The following NEK7 variants were observed in gnomAD, a reference collection of about 807,000 sequenced individuals.
NEK7 encodes serine/threonine-protein kinase Nek7.
A neutral mutation model predicts 44.6 loss-of-function variants in NEK7; 18 were observed. The observed-to-expected ratio is 0.40, with a 90% CI of 0.28 to 0.60. The LOEUF is 0.60. Ranked by LOEUF, NEK7 falls within the 20% of genes least tolerant of loss-of-function variation. The probability of loss-of-function intolerance (pLI) is 0.38; values close to 1 mark genes in which losing one functional copy is unlikely to be tolerated. For synonymous variants in NEK7, 130 were observed against 121.1 expected (o/e 1.07, Z -0.48); for missense variants, 256 against 366.5 (o/e 0.70, Z 2.46).
intron 7 of NEK7, among the ~76,000 whole-genome samples, chr1:198,285,816 G>A (rs1268118447): frequency 1.3e-5 from 2 of 151,944 alleles, no homozygotes; most frequent in Non-Finnish European, 2.9e-5. Context: ...TAAAAATACT[G>A]CTTGTATCCT....
intron 7 of NEK7, among the ~76,000 whole-genome samples, chr1:198,282,631 A>G (rs1260753225): frequency 6.6e-6 from 1 of 152,146 alleles, no homozygotes; most frequent in Non-Finnish European, 1.5e-5. Flanking sequence ...AAATAATATA[A>G]TGAATGCAAG....
At chr1:198,239,470 A>G (rs1214736101) in intron 2 of NEK7, among the ~76,000 whole-genome samples, 1 of 152,186 alleles carries the variant, frequency 6.6e-6, no homozygotes, top group Non-Finnish European at 1.5e-5. Context: ...ATTACAATAT[A>G]TATTGCCTAT....
At chr1:198,305,974 A>G (rs745700592) in intron 9 of NEK7, among the ~76,000 whole-genome samples, 4 of 152,142 alleles carry the variant, frequency 2.6e-5, no homozygotes, top group Admixed American at 6.5e-5. Context: ...TTTCCCGGGC[A>G]GTATAATATA....
intron 2 of NEK7, among the ~76,000 whole-genome samples, chr1:198,242,240 T>G (rs1367610800): frequency 1.3e-5 from 2 of 152,104 alleles, no homozygotes; most frequent in African/African-American, 4.8e-5. Context: ...CTCATCCTCC[T>G]TCCCAGTTCT....
chr1:198,317,893 T>A (rs1272143535), intron 9 of NEK7, among the ~76,000 whole-genome samples: 5 of 147,146 alleles, frequency 3.4e-5, no homozygotes, highest in Non-Finnish European at 7.5e-5. Context: ...TTTTTTTTTT[T>A]TTTTTTTGGT....
At chr1:198,167,523 G>GATGT (rs1344891910) in intron 1 of NEK7, among the ~76,000 whole-genome samples, 1 of 152,160 alleles carries the variant, frequency 6.6e-6, no homozygotes, top group Non-Finnish European at 1.5e-5. Flanking sequence ...CTAAGTGTTA[G>GATGT]TTTTAGTTCC....
At chr1:198,171,221 CTTCT>C (rs1431792396) in intron 1 of NEK7, among the ~76,000 whole-genome samples, 7 of 152,020 alleles carry the variant, frequency 4.6e-5, no homozygotes, top group Non-Finnish European at 8.8e-5. Flanking sequence ...TCTGTAATGT[CTTCT>C]TTCTTTTTTT....
intron 5 of NEK7, among the ~76,000 whole-genome samples, chr1:198,274,236 C>T (rs1158030656): frequency 6.7e-6 from 1 of 148,390 alleles, no homozygotes; most frequent in Non-Finnish European, 1.5e-5. Context: ...ACACCTTGCA[C>T]ACCAGGATTG....
intron 1 of NEK7, chr1:198,197,878 C>G (rs1406425707): frequency 5.8e-6 from 6 of 1,028,642 alleles, no homozygotes; most frequent in East Asian, 2.4e-5. Flanking sequence ...TCTGCATCTT[C>G]TTGTCCTCTA....
chr1:198,174,944 A>T (rs918384424), intron 1 of NEK7, among the ~76,000 whole-genome samples: 2 of 151,986 alleles, frequency 1.3e-5, no homozygotes, highest in Admixed American at 6.6e-5. Context: ...TTTTGTACAG[A>T]TGGGGGTCTC....
rs75159753 is a variant in NEK7, at chr1:198,304,210, G to A, written c.798+6970G>A. Among the ~76,000 whole-genome samples, 130 of 152,252 alleles carry A rather than the reference G, an allele frequency of 8.5e-4. 2 individuals are homozygous for A. The highest frequency in any genetic ancestry group is 3.1e-3 in the African/African-American group (127 of 41,558). On this transcript the variant is annotated intron_variant, in intron 9 of 9. Coordinates refer to ENST00000367385, the MANE Select transcript of NEK7 (RefSeq NM_133494.3). ...ATCCTACAAAATCATGTAACTTTCTGTAAGACTTTCACAGTTTTCAAAAGA... is the reference window on the plus strand; with the variant it reads ...ATCCTACAAAATCATGTAACTTTCTATAAGACTTTCACAGTTTTCAAAAGA...
rs1240320303 is a variant in NEK7 at position 198,307,304 on chromosome 1, A to G, written c.798+10064A>G. ...TGTACTAAGCAGTGTCTTCAACATC[A>G]ATTTTACAGCAAATACCTAAGTGAT... is the stretch of plus-strand genomic sequence containing the variant. On this transcript the variant is annotated intron_variant, in intron 9 of 9. Coordinates refer to ENST00000367385, the MANE Select transcript of NEK7 (RefSeq NM_133494.3). Among the ~76,000 whole-genome samples the G allele has an allele frequency of 2.0e-5, 3 of 152,242 alleles. No homozygotes were observed. The East Asian group carries it at 5.8e-4, about 29-fold the overall frequency.
At chr1:198,188,813 G>A (rs141139246) in intron 1 of NEK7, among the ~76,000 whole-genome samples, 5 of 152,038 alleles carry the variant, frequency 3.3e-5, no homozygotes, top group African/African-American at 4.8e-5. Flanking sequence ...TTTATGTCGC[G>A]AAGTCATCCT....
intron 9 of NEK7, among the ~76,000 whole-genome samples, chr1:198,300,851 A>G (rs1341819702): frequency 6.6e-6 from 1 of 152,242 alleles, no homozygotes; most frequent in African/African-American, 2.4e-5. Context: ...AAAATTACTC[A>G]CAAGATAGGC....
At chr1:198,201,724 G>A (rs948486566) in intron 1 of NEK7, among the ~76,000 whole-genome samples, 1 of 150,740 alleles carries the variant, frequency 6.6e-6, no homozygotes, top group Non-Finnish European at 1.5e-5. Flanking sequence ...TTCTCTTTCC[G>A]GAGCCTCACC....
intron 7 of NEK7, among the ~76,000 whole-genome samples, chr1:198,283,156 G>A (rs1045087851): frequency 6.6e-6 from 1 of 152,148 alleles, no homozygotes; most frequent in African/African-American, 2.4e-5. Context: ...GACAGGGCTG[G>A]ATGTAGGAGC....
intron 1 of NEK7, among the ~76,000 whole-genome samples, chr1:198,177,452 T>C (rs1664636260): frequency 6.6e-6 from 1 of 152,136 alleles, no homozygotes; most frequent in East Asian, 1.9e-4. Context: ...TTACTTTTTT[T>C]ATTTTCAACG....
In NEK7 at chr1:198,202,455, C is replaced by G. The variant is rs942893893; in HGVS notation, c.-28-30098C>G. ...TGTAGCACCTCTAATGCTGTATGCA[C>G]AGCCTCTCAGGCAGGTGGTGTTCCA... On this transcript the variant is annotated intron_variant, in intron 1 of 9. Coordinates refer to ENST00000367385, the MANE Select transcript of NEK7 (RefSeq NM_133494.3). Among the ~76,000 whole-genome samples the G allele has an allele frequency of 2.0e-5, 3 of 152,202 alleles. No homozygotes were observed. The East Asian group carries it at 5.8e-4, about 29-fold the overall frequency.
At position 198,204,636 on chromosome 1, in the gene NEK7, A is replaced by G. The variant is rs749978884; in HGVS notation, c.-28-27917A>G. Among the ~76,000 whole-genome samples, 24 of 149,558 alleles carry G rather than the reference A, an allele frequency of 1.6e-4. No individual in the cohort carries two copies. The East Asian group carries it at 3.5e-3, about 22-fold the overall frequency. On this transcript the variant is annotated intron_variant, in intron 1 of 9. Coordinates refer to ENST00000367385, the MANE Select transcript of NEK7 (RefSeq NM_133494.3). ...CGGGAGGCTGAGGCAGGAGAATGGC[A>G]TGAACCCAGGGGGCGGAGCCTGCAG...
Sources: gnomAD v4.1 joint callset for allele counts (sites outside exome capture counted in the v4.1 genomes callset) on GRCh38, gnomAD v4.1.1 for gene constraint, MANE v1.5 for transcripts, NCBI Gene and HGNC (gene_info 2026-07-23, HGNC 2026-07-21) for gene names.